The following TMEM74 variants were observed in gnomAD, a reference collection of about 807,000 sequenced individuals.
The protein encoded by TMEM74 is transmembrane protein 74.
TMEM74 carries 13 observed loss-of-function variants against 18.1 expected under a neutral mutation model. The ratio of observed to expected loss-of-function variants is 0.72; its 90% confidence interval spans 0.47 to 1.14. The LOEUF (loss-of-function observed/expected upper bound fraction) is 1.14, where lower values mean the gene tolerates loss of function less well. TMEM74 is among the 50% of genes most tolerant of loss of function. The pLI is 0.00. For missense variants in TMEM74, 372 were observed against 375.9 expected, an observed-to-expected ratio of 0.99 and a Z score of 0.09; for synonymous variants, 159 against 146.6, an observed-to-expected ratio of 1.08 and a Z score of -0.61.
At chr8:108,754,272 C>T (rs1476763730) in intron 1 of TMEM74, among the ~76,000 whole-genome samples, 1 of 152,164 alleles carries the variant, frequency 6.6e-6, no homozygotes, top group East Asian at 1.9e-4. Flanking sequence ...TTCTTATTCT[C>T]ATTTTATACT....
At position 108,762,217 on chromosome 8, in the gene TMEM74, C is replaced by T. The variant is rs568968513; in HGVS notation, n.119+25259G>A. On this transcript the variant is annotated intron_variant and non_coding_transcript_variant, in intron 1 of 3. Coordinates refer to the TMEM74 transcript ENST00000518838. ...CATTTCTCCAATTGCACCTAACTAA[C>T]ATTTCAGAGATTCAAATAATACAAA... Among the ~76,000 whole-genome samples the T allele has an allele frequency of 5.3e-5, 8 of 152,224 alleles. No homozygotes were observed. In the South Asian group the frequency reaches 1.7e-3, roughly 32 times the overall value.
At chr8:108,748,536 A>C (rs1405727571) in intron 1 of TMEM74, among the ~76,000 whole-genome samples, 1 of 151,842 alleles carries the variant, frequency 6.6e-6, no homozygotes. Flanking sequence ...CTCTGTTGAT[A>C]GTTTCTTTTG....
downstream of TMEM74, among the ~76,000 whole-genome samples, chr8:108,774,104 T>C (rs1400017644): frequency 6.6e-6 from 1 of 152,170 alleles, no homozygotes; most frequent in East Asian, 1.9e-4. Flanking sequence ...GAGGGAGATT[T>C]TGATATGTAG....
downstream of TMEM74, among the ~76,000 whole-genome samples, chr8:108,778,568 ATTT>A (rs1302147567): frequency 6.6e-6 from 1 of 152,236 alleles, no homozygotes; most frequent in Non-Finnish European, 1.5e-5. Flanking sequence ...TCTTGATCCA[ATTT>A]TTATTCAAAA....
chr8:108,607,731 C>T (rs565620303), exon 4 of TMEM74: 30 of 152,252 alleles, frequency 2.0e-4, no homozygotes, highest in African/African-American at 7.0e-4. Context: ...TGGCATCAAT[C>T]CCAATCTTAC....
At chr8:108,760,384 C>T (rs774576849) in intron 1 of TMEM74, among the ~76,000 whole-genome samples, 1 of 152,024 alleles carries the variant, frequency 6.6e-6, no homozygotes, top group Non-Finnish European at 1.5e-5. Flanking sequence ...TAGCAATGCG[C>T]GGTCACAGAG....
At chr8:108,657,259 C>T (rs1425170755) in intron 1 of TMEM74, among the ~76,000 whole-genome samples, 1 of 151,944 alleles carries the variant, frequency 6.6e-6, no homozygotes, top group Non-Finnish European at 1.5e-5. Context: ...CAATAACTAC[C>T]ATGGTGTTAT....
chr8:108,678,879 T>C (rs1813083415), intron 1 of TMEM74, among the ~76,000 whole-genome samples: 1 of 151,218 alleles, frequency 6.6e-6, no homozygotes, highest in Non-Finnish European at 1.5e-5. Context: ...GTATATCTCC[T>C]AATGCCATCC....
intron 2 of TMEM74, among the ~76,000 whole-genome samples, chr8:108,630,420 C>T (rs149688719): frequency 1.1e-4 from 17 of 152,086 alleles, no homozygotes; most frequent in Admixed American, 4.6e-4. Flanking sequence ...GACAGATCGA[C>T]GAGACAGAAA....
rs745926482 is a variant in TMEM74, at chr8:108,784,807, T to G, written c.292A>C (p.Lys98Gln). The G allele has an allele frequency of 6.2e-7, 1 of 1,614,228 alleles. No homozygotes were observed. The highest frequency in any genetic ancestry group is 8.5e-7 in the Non-Finnish European group (1 of 1,180,030). Residue 98 changes from lysine to glutamine, a missense_variant, in exon 2 of 2, where the codon AAA becomes CAA. By Grantham distance (53) the Lys-to-Gln change is moderately conservative (BLOSUM62 1). Transcript: ENST00000297459. ...TCCTGGCTGCAGCAGTTACAGACTTTCCGTTCCGCTGTTATTTGGTTGTTC... is the reference window on the plus strand; with the variant it reads ...TCCTGGCTGCAGCAGTTACAGACTTGCCGTTCCGCTGTTATTTGGTTGTTC... Reference protein sequence around the residue: ...SGNNQITAERKVCNCCSQELE... With the variant: ...SGNNQITAERQVCNCCSQELE...
intron 1 of TMEM74, among the ~76,000 whole-genome samples, chr8:108,667,638 A>G (rs905527848): frequency 6.6e-6 from 1 of 152,148 alleles, no homozygotes; most frequent in African/African-American, 2.4e-5. Context: ...AGGTTTTGCA[A>G]ATTATAGACT....
intron 2 of TMEM74, chr8:108,652,909 C>G: frequency 7.1e-6 from 3 of 424,716 alleles, no homozygotes; most frequent in Admixed American, 2.9e-5. Context: ...AGACAGTGCC[C>G]TGTGTGAAGA....
At chr8:108,743,114 T>G (rs1443970438) in intron 1 of TMEM74, among the ~76,000 whole-genome samples, 4 of 152,198 alleles carry the variant, frequency 2.6e-5, no homozygotes, top group African/African-American at 9.6e-5. Context: ...CAGAAAATGT[T>G]AAATGATCTA....
At chr8:108,619,758 C>A (rs995502914) in intron 2 of TMEM74, among the ~76,000 whole-genome samples, 2 of 152,166 alleles carry the variant, frequency 1.3e-5, no homozygotes, top group African/African-American at 2.4e-5. Flanking sequence ...GAAGCTACAC[C>A]ATTTTGCTGT....
At chr8:108,757,794 C>T (rs1813994882) in intron 1 of TMEM74, among the ~76,000 whole-genome samples, 4 of 151,912 alleles carry the variant, frequency 2.6e-5, no homozygotes, top group Admixed American at 2.0e-4. Flanking sequence ...CCCTGCTTGC[C>T]CTTTCAAATC....
intron 1 of TMEM74, among the ~76,000 whole-genome samples, chr8:108,663,772 T>C (rs544565829): frequency 1.1e-4 from 16 of 152,294 alleles, no homozygotes; most frequent in African/African-American, 3.4e-4. Flanking sequence ...TGGAATACTA[T>C]GCAGCCATAA....
chr8:108,717,811 C>T (rs964047482), intron 1 of TMEM74, among the ~76,000 whole-genome samples: 3 of 151,630 alleles, frequency 2.0e-5, no homozygotes, highest in African/African-American at 4.8e-5. Flanking sequence ...CCTTGAGTGG[C>T]GTAAGGGAGG....
At chr8:108,704,214 G>A (rs922546931) in intron 1 of TMEM74, among the ~76,000 whole-genome samples, 9 of 152,166 alleles carry the variant, frequency 5.9e-5, no homozygotes, top group Middle Eastern at 3.2e-3. Flanking sequence ...TTTCTATTAG[G>A]TTTCCTCCTT....
intron 1 of TMEM74, among the ~76,000 whole-genome samples, chr8:108,657,327 G>A (rs951706190): frequency 6.6e-6 from 1 of 151,926 alleles, no homozygotes; most frequent in Non-Finnish European, 1.5e-5. Context: ...TGAGACTCTT[G>A]CTTACAAGCA....
Sources: gnomAD v4.1 joint callset for allele counts (sites outside exome capture counted in the v4.1 genomes callset) on GRCh38, gnomAD v4.1.1 for gene constraint, MANE v1.5 for transcripts, NCBI Gene and HGNC (gene_info 2026-07-23, HGNC 2026-07-21) for gene names.